Variants in IL1RAPL1 observed in about 807,000 individuals in gnomAD.
IL1RAPL1 encodes interleukin 1 receptor accessory protein like 1, also known as interleukin-1 receptor accessory protein-like 1.
A neutral mutation model predicts 48.4 loss-of-function variants in IL1RAPL1; 3 were observed. That is an observed-to-expected ratio of 0.06 (90% confidence interval 0.03 to 0.16). The LOEUF is 0.16. Among genes scored for constraint, IL1RAPL1 ranks in the 10% least tolerant of loss-of-function variants. The pLI is 1.00. For missense variants in IL1RAPL1, 349 were observed against 530.6 expected (o/e 0.66, Z 3.36); for synonymous variants, 185 against 187.7 (o/e 0.99, Z 0.12).
rs869274263 is a variant in IL1RAPL1, at chrX:29,230,529, A to AAAAAAAAAC, written c.83-52403_83-52402insAACAAAAAA. On this transcript the variant is annotated intron_variant, in intron 2 of 10. Coordinates refer to ENST00000378993, the MANE Select transcript of IL1RAPL1 (RefSeq NM_014271.4). ...CAAAAAAAAAAAAAAAAAAAAAAAA[A>AAAAAAAAAC]AAAAAACCTTGTTGTCTCTCAGGCA... Among the ~76,000 whole-genome samples, 153 of 98,621 alleles carry AAAAAAAAAC rather than the reference A, an allele frequency of 1.6e-3. 3 individuals are homozygous for AAAAAAAAAC. Among genetic ancestry groups the AAAAAAAAAC allele is most frequent in the African/African-American group, 5.7e-3 (149 of 26,333 alleles). The allele number at this position is 98,621 out of a possible 115,157, so 85.6% of individuals were successfully genotyped here.
chrX:29,234,371 C>A (rs573666200), intron 2 of IL1RAPL1, among the ~76,000 whole-genome samples: 1 of 111,434 alleles, frequency 9.0e-6, no homozygotes, highest in African/African-American at 3.3e-5. Flanking sequence ...TTAGCTCATC[C>A]GTCTCCATGA....
intron 1 of IL1RAPL1, among the ~76,000 whole-genome samples, chrX:28,761,012 G>A (rs776898950): frequency 5.5e-5 from 6 of 108,427 alleles, no homozygotes; most frequent in Non-Finnish European, 9.6e-5. Flanking sequence ...CTTGAACCTG[G>A]GGGGGCAGAG....
intron 2 of IL1RAPL1, among the ~76,000 whole-genome samples, chrX:28,998,514 A>T (rs111866403): frequency 0.022 from 2,406 of 111,750 alleles, 70 homozygotes; most frequent in African/African-American, 0.072. Context: ...TTCACCTTCT[A>T]TATGTGATAA....
chrX:29,842,987 A>G (rs1193462423), intron 6 of IL1RAPL1, among the ~76,000 whole-genome samples: 1 of 112,096 alleles, frequency 8.9e-6, no homozygotes, highest in East Asian at 2.8e-4. Context: ...CCTGTATTTC[A>G]CTAGGAGAAA....
chrX:29,177,962 A>G (rs112541122), intron 2 of IL1RAPL1, among the ~76,000 whole-genome samples: 10 of 112,019 alleles, frequency 8.9e-5, no homozygotes, highest in African/African-American at 2.6e-4. Flanking sequence ...CATGGTGTAT[A>G]TGTGCCACAT....
chrX:29,561,040 C>G (rs1922177784), intron 5 of IL1RAPL1, among the ~76,000 whole-genome samples: 1 of 112,052 alleles, frequency 8.9e-6, no homozygotes. Flanking sequence ...GTCAGCCTGA[C>G]ATTCTAGGGG....
At chrX:29,809,464 A>G (rs1930334381) in intron 6 of IL1RAPL1, among the ~76,000 whole-genome samples, 1 of 111,167 alleles carries the variant, frequency 9.0e-6, no homozygotes, top group Non-Finnish European at 1.9e-5. Flanking sequence ...AAATTTGCAC[A>G]TATGCTTAAC....
intron 5 of IL1RAPL1, among the ~76,000 whole-genome samples, chrX:29,585,913 G>A (rs1394532823): frequency 3.6e-5 from 4 of 111,862 alleles, no homozygotes; most frequent in Admixed American, 9.5e-5. Context: ...TGAGTTGTAG[G>A]AGTTCCTTAT....
At chrX:29,691,700 C>T (rs1378168924) in intron 6 of IL1RAPL1, among the ~76,000 whole-genome samples, 2 of 103,712 alleles carry the variant, frequency 1.9e-5, no homozygotes, top group African/African-American at 3.6e-5. Context: ...GCCGAGATTG[C>T]GCCACTGCAG....
At chrX:29,164,103 C>A (rs73212120) in intron 2 of IL1RAPL1, among the ~76,000 whole-genome samples, 4,652 of 111,671 alleles carry the variant, frequency 0.042, 88 homozygotes, top group Middle Eastern at 0.069. Context: ...GGCAAGGAGA[C>A]ATGTATTTTC....
At chrX:28,939,790 A>G (rs773390742) in intron 2 of IL1RAPL1, among the ~76,000 whole-genome samples, 43 of 111,895 alleles carry the variant, frequency 3.8e-4, no homozygotes, top group African/African-American at 1.1e-3. Flanking sequence ...TTGCTTGAAC[A>G]TAAAATAACA....
intron 1 of IL1RAPL1, among the ~76,000 whole-genome samples, chrX:28,670,168 C>A (rs1441471839): frequency 9.0e-6 from 1 of 111,582 alleles, no homozygotes; most frequent in African/African-American, 3.3e-5. Flanking sequence ...AAGTTGGTCA[C>A]CCGCTTTAAA....
intron 2 of IL1RAPL1, among the ~76,000 whole-genome samples, chrX:29,001,496 T>A (rs1925851549): frequency 8.9e-6 from 1 of 111,922 alleles, no homozygotes; most frequent in Non-Finnish European, 1.9e-5. Context: ...ACCCTGTTTT[T>A]AATTGTGTGG....
intron 6 of IL1RAPL1, among the ~76,000 whole-genome samples, chrX:29,818,575 C>T (rs770800553): frequency 1.3e-4 from 15 of 111,867 alleles, no homozygotes; most frequent in African/African-American, 3.9e-4. Flanking sequence ...TTTGGAAGCA[C>T]GATATCTTTC....
chrX:28,809,089 GA>G (rs1193680629), intron 2 of IL1RAPL1, among the ~76,000 whole-genome samples: 1 of 110,262 alleles, frequency 9.1e-6, no homozygotes, highest in East Asian at 2.8e-4. Context: ...ATGGCTGTTT[GA>G]GGTGTGTTTA....
At chrX:29,497,938 T>C (rs1422800701) in intron 5 of IL1RAPL1, among the ~76,000 whole-genome samples, 1 of 111,523 alleles carries the variant, frequency 9.0e-6, no homozygotes, top group Non-Finnish European at 1.9e-5. Context: ...CTGATTAACA[T>C]CATCCCATTC....
chrX:29,757,982 A>G (rs1025292783), intron 6 of IL1RAPL1, among the ~76,000 whole-genome samples: 4 of 111,966 alleles, frequency 3.6e-5, no homozygotes, highest in Non-Finnish European at 7.5e-5. Flanking sequence ...AGGGAGTGAA[A>G]AAATTCAATC....
intron 5 of IL1RAPL1, among the ~76,000 whole-genome samples, chrX:29,661,396 C>T (rs1019176952): frequency 8.9e-6 from 1 of 111,953 alleles, no homozygotes; most frequent in Admixed American, 9.5e-5. Flanking sequence ...TTGTCTTGTT[C>T]CAGATCTGAG....
At chrX:28,991,728 G>T (rs1215608386) in intron 2 of IL1RAPL1, among the ~76,000 whole-genome samples, 2 of 112,139 alleles carry the variant, frequency 1.8e-5, no homozygotes, top group African/African-American at 6.5e-5. Context: ...TTCTGAGATA[G>T]AATTTTATAT....
Sources: allele counts gnomAD v4.1 joint callset (sites outside exome capture counted in the v4.1 genomes callset), GRCh38; gene constraint gnomAD v4.1.1; transcripts MANE v1.5; gene names NCBI Gene and HGNC (gene_info 2026-07-23, HGNC 2026-07-21).